The following IQSEC1 variants were observed in gnomAD, a reference collection of about 807,000 sequenced individuals.
IQSEC1 encodes the protein IQ motif and Sec7 domain ArfGEF 1, also known as IQ motif and SEC7 domain-containing protein 1.
A neutral mutation model predicts 91.0 loss-of-function variants in IQSEC1; 31 were observed. The ratio of observed to expected loss-of-function variants is 0.34; its 90% CI spans 0.26 to 0.46. IQSEC1 has a LOEUF of 0.46. Among genes scored for constraint, IQSEC1 ranks in the 20% least tolerant of loss-of-function variants. IQSEC1 has a pLI of 1.00. For synonymous variants in IQSEC1, 699 were observed against 662.6 expected (o/e 1.05, Z -0.84); for missense variants, 1,388 against 1,575.6 (o/e 0.88, Z 2.02).
chr3:13,027,247 G>A (rs1703656184), intron 1 of IQSEC1, among the ~76,000 whole-genome samples: 1 of 152,228 alleles, frequency 6.6e-6, no homozygotes, highest in Admixed American at 6.5e-5. Flanking sequence ...CTCCCAGGCA[G>A]CTGGCATCCT....
intron 1 of IQSEC1, among the ~76,000 whole-genome samples, chr3:13,012,964 C>CTTTTTTTTTTTTTTTTTTTTTTTTT (rs35541458): frequency 1.0e-5 from 1 of 97,544 alleles, no homozygotes. Context: ...AAAGTCTGGG[C>CTTTTTTTTTTTTTTTTTTTTTTTTT]TTTTTTTTTT....
At chr3:13,096,916 G>A (rs360755) in intron 2 of IQSEC1, among the ~76,000 whole-genome samples, 8,164 of 150,076 alleles carry the variant, frequency 0.054, 267 homozygotes, top group African/African-American at 0.077. Context: ...GCTGGAGTGC[G>A]GTGGCGCGAT....
intron 1 of IQSEC1, among the ~76,000 whole-genome samples, chr3:13,222,376 C>T (rs1327497388): frequency 1.3e-5 from 2 of 152,198 alleles, no homozygotes; most frequent in African/African-American, 4.8e-5. Context: ...CTGTCACGGA[C>T]ACTTTCTTTG....
chr3:13,194,392 C>CAA (rs1269881638), intron 1 of IQSEC1, among the ~76,000 whole-genome samples: 1 of 152,142 alleles, frequency 6.6e-6, no homozygotes, highest in Non-Finnish European at 1.5e-5. Flanking sequence ...CTCTGACTCT[C>CAA]ACTGGGCTCT....
At chr3:13,213,900 C>T (rs1399640911) in intron 1 of IQSEC1, among the ~76,000 whole-genome samples, 5 of 152,154 alleles carry the variant, frequency 3.3e-5, no homozygotes, top group Non-Finnish European at 7.3e-5. Flanking sequence ...CCATCCTGGG[C>T]TCGTATCCAC....
intron 1 of IQSEC1, among the ~76,000 whole-genome samples, chr3:13,177,618 T>C (rs1693760575): frequency 6.6e-6 from 1 of 152,232 alleles, no homozygotes; most frequent in Non-Finnish European, 1.5e-5. Flanking sequence ...CTGGATCTTT[T>C]TGTGTGGCCC....
intron 1 of IQSEC1, among the ~76,000 whole-genome samples, chr3:13,278,325 A>ATCATC (rs1695729611): frequency 6.6e-6 from 1 of 152,118 alleles, no homozygotes; most frequent in Non-Finnish European, 1.5e-5. Context: ...GCTGGAAGGA[A>ATCATC]TCATCTCATT....
chr3:13,028,015 G>A (rs986862660), intron 1 of IQSEC1, among the ~76,000 whole-genome samples: 27 of 152,228 alleles, frequency 1.8e-4, no homozygotes, highest in African/African-American at 6.0e-4. Flanking sequence ...GTCTTTCAAG[G>A]TCCACTTAGC....
At chr3:13,107,911 G>C (rs745431879) in intron 2 of IQSEC1, among the ~76,000 whole-genome samples, 80 of 152,258 alleles carry the variant, frequency 5.3e-4, no homozygotes, top group Non-Finnish European at 1.1e-3. Context: ...ACACCAGCCT[G>C]GCCAGCCATG....
At chr3:13,039,013 C>T (rs1455029925) in intron 1 of IQSEC1, among the ~76,000 whole-genome samples, 1 of 152,262 alleles carries the variant, frequency 6.6e-6, no homozygotes, top group Non-Finnish European at 1.5e-5. Context: ...CCCACAGGGG[C>T]AGTCCACCAC....
At position 12,899,041 on chromosome 3, in the gene IQSEC1, T is replaced by G; in HGVS notation, c.*1942A>C. The stretch of plus-strand genomic sequence containing the variant: ...CAATGGGAGGACACAGGTGGGCGGG[T>G]TAAAGTCACATTTTTAAAAAGGCTA... On this transcript the variant is annotated 3_prime_UTR_variant, in exon 14 of 14. Transcript: ENST00000613206. 1 of 290,874 alleles carries G rather than the reference T, an allele frequency of 3.4e-6. No homozygotes were observed. The highest frequency in any genetic ancestry group is 6.6e-6 in the Non-Finnish European group (1 of 151,402). The allele number at this position is 290,874 out of a possible 1,614,324, so 18.0% of individuals were successfully genotyped here. A position where few individuals can be genotyped will look rare whatever the true frequency, so the allele number is the denominator to read the frequency against.
chr3:13,173,101 T>C (rs1183804530), intron 1 of IQSEC1, among the ~76,000 whole-genome samples: 2 of 152,240 alleles, frequency 1.3e-5, no homozygotes, highest in African/African-American at 4.8e-5. Context: ...CTGGGAAAAG[T>C]CTGGAAGGAA....
intron 3 of IQSEC1, among the ~76,000 whole-genome samples, chr3:12,932,571 T>C (rs1697775353): frequency 6.6e-6 from 1 of 152,172 alleles, no homozygotes; most frequent in Non-Finnish European, 1.5e-5. Flanking sequence ...CCCATCACAA[T>C]GCCTGTTTGG....
intron 1 of IQSEC1, among the ~76,000 whole-genome samples, chr3:13,018,687 C>T (rs1703256084): frequency 6.6e-6 from 1 of 152,144 alleles, no homozygotes; most frequent in South Asian, 2.1e-4. Context: ...GGGTCTCATC[C>T]ACCCTCCAGA....
chr3:12,957,657 TC>T (rs1699996355), intron 1 of IQSEC1, among the ~76,000 whole-genome samples: 1 of 152,164 alleles, frequency 6.6e-6, no homozygotes, highest in African/African-American at 2.4e-5. Flanking sequence ...CAGATGCCCA[TC>T]GCGCAGAAGG....
rs145621732 is a variant in IQSEC1, at chr3:12,985,477, T to C, written c.24-43612A>G. Among the ~76,000 whole-genome samples, 1,043 of 138,004 alleles carry C rather than the reference T, an allele frequency of 7.6e-3. 19 individuals are homozygous for C. The highest frequency in any genetic ancestry group is 0.025 in the African/African-American group (935 of 36,880). 90.5% of individuals were successfully genotyped at this position (138,004 alleles called of 152,430 possible). On this transcript the variant is annotated intron_variant, in intron 1 of 13. Coordinates refer to ENST00000613206, the MANE Select transcript of IQSEC1 (RefSeq NM_001134382.3). The stretch of plus-strand genomic sequence containing the variant: ...CACTGGGCACAGAGACACCGTTCTT[T>C]ACTGCTTAACAATCCCCCCCCCCCC...
intron 2 of IQSEC1, among the ~76,000 whole-genome samples, chr3:13,101,216 T>C (rs368182005): frequency 3.3e-5 from 5 of 152,110 alleles, no homozygotes; most frequent in African/African-American, 9.7e-5. Flanking sequence ...GCGCGGTGGC[T>C]CACGCCTGTA....
intron 1 of IQSEC1, among the ~76,000 whole-genome samples, chr3:13,217,806 A>G (rs1342550334): frequency 6.6e-6 from 1 of 152,218 alleles, no homozygotes; most frequent in East Asian, 1.9e-4. Flanking sequence ...AGAATGCTCA[A>G]AATAATACCA....
chr3:13,249,590 T>C lies in IQSEC1; in HGVS notation c.272+33121A>G, dbSNP rs568095937. On this transcript the variant is annotated intron_variant, in intron 1 of 15. Coordinates refer to the IQSEC1 transcript ENST00000648114. Reference sequence around the variant, plus strand: ...TTACTTCAGTCACATTAGGAACCAATACGGAGCTGTTATGGAGTTCGAATA... The same window carrying C: ...TTACTTCAGTCACATTAGGAACCAACACGGAGCTGTTATGGAGTTCGAATA... Among the ~76,000 whole-genome samples the C allele has an allele frequency of 3.3e-3, 503 of 152,274 alleles. 3 individuals are homozygous for C. The highest frequency in any genetic ancestry group is 0.012 in the African/African-American group (478 of 41,552).
Sources: allele counts gnomAD v4.1 joint callset (sites outside exome capture counted in the v4.1 genomes callset), GRCh38; gene constraint gnomAD v4.1.1; transcripts MANE v1.5; gene names NCBI Gene and HGNC (gene_info 2026-07-23, HGNC 2026-07-21).